SH3RF1: variants seen among roughly 807,000 people sequenced by gnomAD.
The protein encoded by SH3RF1 is E3 ubiquitin-protein ligase SH3RF1.
Under a neutral mutation model 74.0 loss-of-function variants are expected in SH3RF1, and 32 were observed. The ratio of observed to expected loss-of-function variants is 0.43; its 90% confidence interval spans 0.33 to 0.58. The LOEUF (loss-of-function observed/expected upper bound fraction) is 0.58, where lower values mean the gene tolerates loss of function less well. Among genes scored for constraint, SH3RF1 ranks in the 20% least tolerant of loss-of-function variants. SH3RF1 has a pLI of 0.05. For synonymous variants in SH3RF1, 396 were observed against 439.6 expected, an observed-to-expected ratio of 0.90 and a Z score of 1.24; for missense variants, 954 against 1,130.9, an observed-to-expected ratio of 0.84 and a Z score of 2.24.
chr4:169,195,050 A>G (rs1400951508), intron 2 of SH3RF1, among the ~76,000 whole-genome samples: 1 of 152,220 alleles, frequency 6.6e-6, no homozygotes, highest in Admixed American at 6.5e-5. Context: ...TTCATCTGAG[A>G]TAATTTTTAT....
Position 169,103,086 on chromosome 4 carries a change from ATTTTT to A in SH3RF1, c.2498+3756_2498+3760del, listed in dbSNP as rs60740517. 4.6e-5 allele frequency among the ~76,000 whole-genome samples: 4 copies of A among 87,074 alleles called. No individual in the cohort carries two copies. The South Asian group carries it at 1.4e-3, about 31-fold the overall frequency. The allele number at this position is 87,074 out of a possible 152,430, so 57.1% of individuals were successfully genotyped here. On this transcript the variant is annotated intron_variant, in intron 11 of 11. Coordinates refer to ENST00000284637, the MANE Select transcript of SH3RF1 (RefSeq NM_020870.4). Reference sequence around the variant, plus strand: ...CAGGTGCCCGCCACCGCGCCTGGCTATTTTTTTTTTTTTTTTTTTTTTTGTATTTT... The same window carrying A: ...CAGGTGCCCGCCACCGCGCCTGGCTATTTTTTTTTTTTTTTTTTGTATTTT...
intron 2 of SH3RF1, among the ~76,000 whole-genome samples, chr4:169,260,344 C>A (rs1304827354): frequency 1.3e-5 from 2 of 152,154 alleles, no homozygotes; most frequent in African/African-American, 4.8e-5. Flanking sequence ...AGAAGGACTG[C>A]TTTCCTGCTC....
intron 2 of SH3RF1, among the ~76,000 whole-genome samples, chr4:169,202,322 T>C (rs1367185754): frequency 1.3e-5 from 2 of 152,206 alleles, no homozygotes; most frequent in Non-Finnish European, 2.9e-5. Context: ...GTTCTTGGTA[T>C]GAGGTCAACC....
chr4:169,162,821 A>G (rs560687349), intron 2 of SH3RF1, among the ~76,000 whole-genome samples: 4 of 152,198 alleles, frequency 2.6e-5, no homozygotes, highest in East Asian at 1.9e-4. Context: ...GTTCCATACC[A>G]GCTCAAGAAT....
At chr4:169,209,236 C>A (rs1230348130) in intron 2 of SH3RF1, among the ~76,000 whole-genome samples, 1 of 151,250 alleles carries the variant, frequency 6.6e-6, no homozygotes, top group Non-Finnish European at 1.5e-5. Context: ...TTGCAGTGAG[C>A]TGAGATCATG....
chr4:169,203,744 T>C (rs1404890107), intron 2 of SH3RF1, among the ~76,000 whole-genome samples: 7 of 152,162 alleles, frequency 4.6e-5, no homozygotes, highest in Non-Finnish European at 7.4e-5. Flanking sequence ...GTGAAACGAA[T>C]GACTGAATAA....
chr4:169,243,627 C>T (rs2110737274), intron 2 of SH3RF1, among the ~76,000 whole-genome samples: 1 of 152,308 alleles, frequency 6.6e-6, no homozygotes, highest in Non-Finnish European at 1.5e-5. Flanking sequence ...AAGCACTCCC[C>T]TATTAGTTTT....
intron 8 of SH3RF1, 48 bp from the exon 9 acceptor site, chr4:169,117,830 G>T: frequency 6.4e-7 from 1 of 1,572,390 alleles, no homozygotes; most frequent in South Asian, 1.1e-5. Context: ...TCAGCAAAAT[G>T]ACAGAAAGAA....
intron 4 of SH3RF1, among the ~76,000 whole-genome samples, chr4:169,151,267 A>G (rs7660681): frequency 0.32 from 48,570 of 152,048 alleles, 8,087 homozygotes; most frequent in African/African-American, 0.4. Flanking sequence ...TCAACAAATA[A>G]CTGGAAATAC....
At chr4:169,235,218 C>T (rs1166756713) in intron 2 of SH3RF1, among the ~76,000 whole-genome samples, 1 of 152,068 alleles carries the variant, frequency 6.6e-6, no homozygotes, top group African/African-American at 2.4e-5. Flanking sequence ...TAAACAGTAC[C>T]CAAGTATCAT....
In SH3RF1 at chr4:169,212,057, CTTTTTTT is replaced by C. The variant is rs34108534; in HGVS notation, c.394-55385_394-55379del. On this transcript the variant is annotated intron_variant, in intron 2 of 11. Coordinates refer to ENST00000284637, the MANE Select transcript of SH3RF1 (RefSeq NM_020870.4). ...TTCTAATTTTTTTTTCTTTTCTTTT[CTTTTTTT>C]TTTTTTTTTTTTTTTTTGAGACAGA... 7.7e-3 allele frequency among the ~76,000 whole-genome samples: 373 copies of C among 48,288 alleles called. 1 individual carries two copies. The highest frequency in any genetic ancestry group is 0.03 in the African/African-American group (332 of 10,908). 31.7% of individuals were successfully genotyped at this position (48,288 alleles called of 152,430 possible).
intron 2 of SH3RF1, among the ~76,000 whole-genome samples, chr4:169,238,385 G>A (rs1730852208): frequency 6.6e-6 from 1 of 152,144 alleles, no homozygotes; most frequent in African/African-American, 2.4e-5. Flanking sequence ...TCACCTTCAG[G>A]AAAATGAATA....
At chr4:169,212,562 T>C (rs919398808) in intron 2 of SH3RF1, among the ~76,000 whole-genome samples, 2 of 152,180 alleles carry the variant, frequency 1.3e-5, no homozygotes, top group African/African-American at 4.8e-5. Flanking sequence ...TACAGCAGTT[T>C]TAGGTTCACA....
intron 2 of SH3RF1, among the ~76,000 whole-genome samples, chr4:169,163,660 A>T (rs1384344819): frequency 1.3e-5 from 2 of 152,146 alleles, no homozygotes; most frequent in South Asian, 2.1e-4. Context: ...GGTCTAAATC[A>T]TGAGTTTTAT....
At chr4:169,268,438 A>T (rs528183238) in intron 2 of SH3RF1, among the ~76,000 whole-genome samples, 1 of 152,354 alleles carries the variant, frequency 6.6e-6, no homozygotes, top group Non-Finnish European at 1.5e-5. Flanking sequence ...TACAACATAT[A>T]TACTACATAT....
chr4:169,117,500 T>G (rs758924062), intron 9 of SH3RF1, 23 bp downstream of exon 9: 1 of 1,612,390 alleles, frequency 6.2e-7, no homozygotes, highest in East Asian at 2.2e-5. Flanking sequence ...TCCTGATATG[T>G]TCTGGCCTGG....
rs1279527018 is a variant in SH3RF1, at chr4:169,122,098, A to T, written c.1346+2T>A. 6.2e-7 allele frequency: 1 copy of T among 1,612,208 alleles called. No individual in the cohort carries two copies. Among genetic ancestry groups the T allele is most frequent in the Non-Finnish European group, 8.5e-7 (1 of 1,179,832 alleles). Reference sequence around the variant, plus strand: ...GCAGTAACAGACGACACGCTCACTTACACACTGGGGCGAGTCTGCGGCCGT... The same window carrying T: ...GCAGTAACAGACGACACGCTCACTTTCACACTGGGGCGAGTCTGCGGCCGT... On this transcript the variant is annotated splice_donor_variant, in intron 7 of 11. Coordinates refer to ENST00000284637, the MANE Select transcript of SH3RF1 (RefSeq NM_020870.4). LOFTEE classifies it high-confidence loss of function.
At chr4:169,169,610 A>T (rs527788839) in intron 2 of SH3RF1, among the ~76,000 whole-genome samples, 2 of 152,322 alleles carry the variant, frequency 1.3e-5, no homozygotes, top group South Asian at 2.1e-4. Context: ...AAATAAAAAA[A>T]AATAAAAAAA....
intron 11 of SH3RF1, among the ~76,000 whole-genome samples, chr4:169,100,485 G>T (rs1369332843): frequency 2.0e-5 from 3 of 152,124 alleles, no homozygotes; most frequent in Non-Finnish European, 4.4e-5. Context: ...GGGATTACAG[G>T]TGTGTGCCAT....
Sources: gnomAD v4.1 joint callset for allele counts (sites outside exome capture counted in the v4.1 genomes callset) on GRCh38, gnomAD v4.1.1 for gene constraint, MANE v1.5 for transcripts, NCBI Gene and HGNC (gene_info 2026-07-23, HGNC 2026-07-21) for gene names.